Variants in PEX14 observed in about 807,000 individuals in gnomAD.
PEX14 encodes peroxisomal membrane protein PEX14.
PEX14 carries 15 observed loss-of-function variants against 49.5 expected under a neutral mutation model. That is an observed-to-expected ratio of 0.30 (90% CI 0.20 to 0.47). PEX14 has a LOEUF of 0.47. Ranked by LOEUF, PEX14 falls within the 20% of genes least tolerant of loss-of-function variation. PEX14 has a pLI of 1.00. For missense variants in PEX14, 398 were observed against 494.8 expected, an observed-to-expected ratio of 0.80 and a Z score of 1.86; for synonymous variants, 210 against 212.7, an observed-to-expected ratio of 0.99 and a Z score of 0.11.
rs1309291891 is a variant in PEX14 at position 10,630,536 on chromosome 1, C to A, written c.*549C>A. On this transcript the variant is annotated 3_prime_UTR_variant, in exon 9 of 9. Coordinates refer to ENST00000356607, the MANE Select transcript of PEX14 (RefSeq NM_004565.3). This position sits in a 1 kb window ranked among gnomAD's most constrained non-coding sequence, Gnocchi z 4.1. ...CTCCCAGACAAATGAAACCACGCTG[C>A]GCTTCCGATGCCCCCGCTTGCCGTG... The A allele has an allele frequency of 1.3e-5, 2 of 156,332 alleles. No homozygotes were observed. Among genetic ancestry groups the A allele is most frequent in the Non-Finnish European group, 2.8e-5 (2 of 70,504 alleles). 9.7% of individuals were successfully genotyped at this position (156,332 alleles called of 1,614,324 possible).
chr1:10,585,008 A>G lies in PEX14; in HGVS notation c.170-14230A>G, dbSNP rs377337728. On this transcript the variant is annotated intron_variant, in intron 3 of 8. Coordinates refer to ENST00000356607, the MANE Select transcript of PEX14 (RefSeq NM_004565.3). The stretch of plus-strand genomic sequence containing the variant: ...TATATGTGCGAGGATCTTTGGGGGA[A>G]CAGTAAAATTTCTCATTTATATCAC... 1.6e-4 allele frequency among the ~76,000 whole-genome samples: 25 copies of G among 152,248 alleles called. No homozygotes were observed. The East Asian group carries it at 2.9e-3, about 18-fold the overall frequency.
At chr1:10,479,591 C>A (rs900600718) in intron 1 of PEX14, among the ~76,000 whole-genome samples, 1 of 152,204 alleles carries the variant, frequency 6.6e-6, no homozygotes, top group African/African-American at 2.4e-5. Context: ...CTGATTACTT[C>A]ACAGTTACTG....
rs1641892481 is a variant in PEX14, at chr1:10,512,019, G to C, written c.84+16698G>C. On this transcript the variant is annotated intron_variant, in intron 2 of 8. Coordinates refer to ENST00000356607, the MANE Select transcript of PEX14 (RefSeq NM_004565.3). The surrounding 1 kb of genome is among the most constrained non-coding windows in gnomAD (Gnocchi z 4.6). Reference sequence around the variant, plus strand: ...CTGTCACCCAGGCTGGAGTGCAGTGGCATAATCTTGGCTCACTGCACGCTC... The same window carrying C: ...CTGTCACCCAGGCTGGAGTGCAGTGCCATAATCTTGGCTCACTGCACGCTC... Among the ~76,000 whole-genome samples the C allele has an allele frequency of 6.6e-6, 1 of 152,108 alleles. No individual in the cohort carries two copies. Among genetic ancestry groups the C allele is most frequent in the Admixed American group, 6.5e-5 (1 of 15,272 alleles).
intron 2 of PEX14, among the ~76,000 whole-genome samples, chr1:10,530,402 C>T (rs1246737122): frequency 3.9e-5 from 6 of 152,232 alleles, no homozygotes; most frequent in African/African-American, 7.2e-5. Context: ...TTGGGCTGTG[C>T]GAGTTAGCGG....
chr1:10,477,704 C>T (rs903565775), intron 1 of PEX14, among the ~76,000 whole-genome samples: 2 of 152,052 alleles, frequency 1.3e-5, no homozygotes, highest in Non-Finnish European at 2.9e-5. Context: ...TGTAGAATAG[C>T]GGTTACAAGT....
At chr1:10,545,950 C>T (rs925965884) in intron 3 of PEX14, among the ~76,000 whole-genome samples, 2 of 152,020 alleles carry the variant, frequency 1.3e-5, no homozygotes, top group African/African-American at 2.4e-5. Context: ...GAGGCTGAGG[C>T]AGGAGGATTG....
At position 10,514,017 on chromosome 1, in the gene PEX14, C is replaced by T. The variant is rs1021282914; in HGVS notation, c.84+18696C>T. 2.0e-5 allele frequency among the ~76,000 whole-genome samples: 3 copies of T among 151,612 alleles called. No individual in the cohort carries two copies. The highest frequency in any genetic ancestry group is 6.6e-5 in the Admixed American group (1 of 15,224). The stretch of plus-strand genomic sequence containing the variant: ...ATCCTCACTAGAGTGAGCTCCGCTC[C>T]CTGTAATTATTTAACATTATATGCT... On this transcript the variant is annotated intron_variant, in intron 2 of 8. Transcript: ENST00000356607. The surrounding 1 kb of genome is among the most constrained non-coding windows in gnomAD (Gnocchi z 4.4).
chr1:10,599,269 C>T lies in PEX14; in HGVS notation c.201C>T (p.Phe67=). The stretch of plus-strand genomic sequence containing the variant: ...CAGATGAAGAGATTGATATGGCCTT[C>T]CAGCAGTCGGGCACTGCTGCCGATG... ...GLTDEEIDMA[F]QQSGTAADEP... The change falls in exon 4 of 9, where the codon TTC becomes TTT. Residue 67 remains phenylalanine (F), a synonymous_variant. Transcript: ENST00000356607. 1.2e-6 allele frequency: 2 copies of T among 1,614,016 alleles called. No individual in the cohort carries two copies. Among genetic ancestry groups the T allele is most frequent in the East Asian group, 4.5e-5 (2 of 44,880 alleles).
At chr1:10,559,885 C>G (rs567170071) in intron 3 of PEX14, among the ~76,000 whole-genome samples, 1 of 152,084 alleles carries the variant, frequency 6.6e-6, no homozygotes, top group Admixed American at 6.5e-5. Flanking sequence ...TGAGTTCTTG[C>G]GTTTTCAGTC....
chr1:10,587,583 A>T (rs533807589), intron 3 of PEX14, among the ~76,000 whole-genome samples: 1 of 152,350 alleles, frequency 6.6e-6, no homozygotes, highest in South Asian at 2.1e-4. Context: ...GACAGGTCTT[A>T]TTAAAATTAA....
chr1:10,542,935 G>A (rs1195720987), intron 3 of PEX14, among the ~76,000 whole-genome samples: 1 of 152,200 alleles, frequency 6.6e-6, no homozygotes, highest in African/African-American at 2.4e-5. Context: ...CATATGGTAA[G>A]CAGGATAGGG....
At chr1:10,572,721 A>G (rs372012627) in intron 3 of PEX14, among the ~76,000 whole-genome samples, 22 of 151,616 alleles carry the variant, frequency 1.5e-4, no homozygotes, top group Admixed American at 3.9e-4. Context: ...TATTTTTAGT[A>G]CAGATGGGGT....
At chr1:10,503,905 T>C (rs1039998544) in intron 2 of PEX14, among the ~76,000 whole-genome samples, 1 of 152,038 alleles carries the variant, frequency 6.6e-6, no homozygotes, top group Non-Finnish European at 1.5e-5. Flanking sequence ...GGCTAATTTT[T>C]TAATTTTTAG....
At chr1:10,617,848 A>G (rs1570358395) in intron 4 of PEX14, among the ~76,000 whole-genome samples, 1 of 146,700 alleles carries the variant, frequency 6.8e-6, no homozygotes, top group South Asian at 2.2e-4. Context: ...CCGTGCCCCC[A>G]CCCAGCGTAC....
At chr1:10,481,226 T>A (rs1268659316) in intron 1 of PEX14, among the ~76,000 whole-genome samples, 2 of 151,078 alleles carry the variant, frequency 1.3e-5, no homozygotes, top group Non-Finnish European at 3.0e-5. Flanking sequence ...CAACCTCCGC[T>A]TCCTGGGTTC....
At chr1:10,603,212 T>G (rs1441387594) in intron 4 of PEX14, among the ~76,000 whole-genome samples, 1 of 152,244 alleles carries the variant, frequency 6.6e-6, no homozygotes, top group Non-Finnish European at 1.5e-5. Context: ...CTCAGTATTT[T>G]TATTAACCAT....
chr1:10,622,979 G>A (rs1424089921), intron 5 of PEX14, 40 bp from the exon 6 acceptor site: 8 of 1,350,838 alleles, frequency 5.9e-6, no homozygotes, highest in East Asian at 4.6e-5. Flanking sequence ...GGATAACCCC[G>A]GGTCCGTATG....
At chr1:10,585,720 G>T (rs1640462235) in intron 3 of PEX14, among the ~76,000 whole-genome samples, 1 of 152,194 alleles carries the variant, frequency 6.6e-6, no homozygotes, top group Non-Finnish European at 1.5e-5. Flanking sequence ...AGGAGTTCAA[G>T]ACCAGCCTGG....
intron 3 of PEX14, among the ~76,000 whole-genome samples, chr1:10,555,256 A>G (rs1163357826): frequency 2.0e-5 from 3 of 152,014 alleles, no homozygotes; most frequent in Non-Finnish European, 4.4e-5. Flanking sequence ...CAAATTTTAA[A>G]TTAAAAAAAT....
Sources: allele counts gnomAD v4.1 joint callset (sites outside exome capture counted in the v4.1 genomes callset), GRCh38; gene constraint gnomAD v4.1.1; non-coding constraint Gnocchi (gnomAD v3.1); transcripts MANE v1.5; gene names NCBI Gene and HGNC (gene_info 2026-07-23, HGNC 2026-07-21).